Variants in TMEM184B observed in about 807,000 individuals in gnomAD.
The protein encoded by TMEM184B is putative MAPK-activating protein FM08.
TMEM184B carries 17 observed loss-of-function variants against 41.8 expected under a neutral mutation model. That is an observed-to-expected ratio of 0.41 (90% CI 0.28 to 0.61). The LOEUF (loss-of-function observed/expected upper bound fraction) is 0.61. TMEM184B is among the 20% of genes least tolerant of loss of function. TMEM184B has a pLI of 0.34. For synonymous variants in TMEM184B, 240 were observed against 229.5 expected (o/e 1.05, Z -0.41); for missense variants, 393 against 557.8 (o/e 0.70, Z 2.98).
chr22:38,226,896 T>G lies in TMEM184B; in HGVS notation c.526-26A>C. 6.4e-7 allele frequency: 1 copy of G among 1,559,794 alleles called. No individual in the cohort carries two copies. Among genetic ancestry groups the G allele is most frequent in the South Asian group, 1.2e-5 (1 of 85,234 alleles). ...CTGTTGGGGGGAAAAGGAGGTTGAG[T>G]GTGGAGGAGGAGCACAGAAGGCATG... On this transcript the variant is annotated intron_variant, in intron 5 of 8. Transcript: ENST00000361906. The surrounding 1 kb of genome is among the most constrained non-coding windows in gnomAD (Gnocchi z 4.6).
At position 38,224,791 on chromosome 22, in the gene TMEM184B, C is replaced by A; in HGVS notation, c.976G>T (p.Ala326Ser). The A allele has an allele frequency of 6.3e-7, 1 of 1,595,806 alleles. No homozygotes were observed. The highest frequency in any genetic ancestry group is 1.1e-5 in the South Asian group (1 of 89,852). ...CTAGGACCCTGGCTCATACCTTGTGCGTCCAGCCTCTTGTCAGCATAGACC... is the reference window on the plus strand; with the variant it reads ...CTAGGACCCTGGCTCATACCTTGTGAGTCCAGCCTCTTGTCAGCATAGACC... ...YKVYADKRLDAQGRCAPMKSI... is the reference protein window; with the variant it reads ...YKVYADKRLDSQGRCAPMKSI... The change falls in exon 8 of 9, where the codon GCA (alanine) becomes TCA (serine). Residue 326 changes from alanine to serine, a missense_variant. Transcript: ENST00000361906.
chr22:38,234,204 G>A (rs757788221), intron 3 of TMEM184B, among the ~76,000 whole-genome samples: 6 of 152,324 alleles, frequency 3.9e-5, no homozygotes, highest in Non-Finnish European at 8.8e-5. Context: ...GACATCTGAT[G>A]TAGGGGTTGG....
chr22:38,254,949 T>A (rs2145734113), intron 1 of TMEM184B, among the ~76,000 whole-genome samples: 1 of 151,776 alleles, frequency 6.6e-6, no homozygotes, highest in South Asian at 2.1e-4. Context: ...CCTCCCGGGT[T>A]CAAGCAATTC....
At chr22:38,241,750 G>A (rs2091911905) in intron 3 of TMEM184B, among the ~76,000 whole-genome samples, 1 of 151,328 alleles carries the variant, frequency 6.6e-6, no homozygotes, top group South Asian at 2.1e-4. Context: ...CAGGTGTGGT[G>A]GCGGGCGCCT....
intron 1 of TMEM184B, among the ~76,000 whole-genome samples, chr22:38,271,570 C>T (rs1036288403): frequency 1.3e-5 from 2 of 152,168 alleles, no homozygotes; most frequent in Admixed American, 6.6e-5. Flanking sequence ...GTCTTTCCTG[C>T]GGCCACGATC....
chr22:38,235,502 A>G (rs2145624621), intron 3 of TMEM184B, among the ~76,000 whole-genome samples: 1 of 152,326 alleles, frequency 6.6e-6, no homozygotes, highest in East Asian at 1.9e-4. Flanking sequence ...ATCAAATGTC[A>G]TCATCCCTCT....
intron 1 of TMEM184B, among the ~76,000 whole-genome samples, chr22:38,250,737 T>C (rs1021501445): frequency 1.3e-5 from 2 of 152,034 alleles, no homozygotes; most frequent in African/African-American, 4.8e-5. Flanking sequence ...AGGGCGGTGT[T>C]GAGAAACCCC....
chr22:38,218,905 T>C (rs748212695), downstream of TMEM184B, among the ~76,000 whole-genome samples: 3 of 152,064 alleles, frequency 2.0e-5, no homozygotes, highest in Non-Finnish European at 4.4e-5. Context: ...TCCCTGGCCC[T>C]GAGGGTCCCA....
chr22:38,221,103 C>T lies in TMEM184B; in HGVS notation c.*366G>A, dbSNP rs1240557966. On this transcript the variant is annotated 3_prime_UTR_variant, in exon 9 of 9. Coordinates refer to ENST00000361906, the MANE Select transcript of TMEM184B (RefSeq NM_012264.5). ...CTTGCCGACCTCAGCCTGAGAGTCT[C>T]GCGGGGAGGAGGGGCTAGAAGGCTG... 3.1e-5 allele frequency: 34 copies of T among 1,089,176 alleles called. 1 individual carries two copies. The highest frequency in any genetic ancestry group is 9.9e-5 in the South Asian group (3 of 30,444). 67.5% of individuals were successfully genotyped at this position (1,089,176 alleles called of 1,614,324 possible).
Position 38,234,611 on chromosome 22 carries a change from C to T in TMEM184B, c.359-3277G>A, listed in dbSNP as rs1278483461. 5.4e-5 allele frequency among the ~76,000 whole-genome samples: 8 copies of T among 148,956 alleles called. No individual in the cohort carries two copies. In the East Asian group the frequency reaches 1.3e-3, roughly 25 times the overall value. On this transcript the variant is annotated intron_variant, in intron 3 of 8. Transcript: ENST00000361906. ...AAAACCATGACTGAAGCTCCTGGGA[C>T]GTGCTGTGATCACTCACGCCTGCAT...
At chr22:38,227,232 C>T (rs972726501) in intron 5 of TMEM184B, among the ~76,000 whole-genome samples, 8 of 151,868 alleles carry the variant, frequency 5.3e-5, no homozygotes, top group African/African-American at 1.5e-4. Flanking sequence ...ACGATGGAGG[C>T]GGGAGACAGG....
At chr22:38,228,212 C>T (rs766978619) in intron 5 of TMEM184B, among the ~76,000 whole-genome samples, 14 of 152,196 alleles carry the variant, frequency 9.2e-5, no homozygotes, top group Non-Finnish European at 2.1e-4. Context: ...CCTGTCATCC[C>T]GCCTAGAGAA....
chr22:38,228,311 G>A (rs75001132), intron 5 of TMEM184B, among the ~76,000 whole-genome samples: 1 of 152,228 alleles, frequency 6.6e-6, no homozygotes, highest in Non-Finnish European at 1.5e-5. Flanking sequence ...GTGTTTCCCT[G>A]GGTCAGCTCA....
chr22:38,233,914 C>T (rs1029721550), intron 3 of TMEM184B, among the ~76,000 whole-genome samples: 6 of 152,082 alleles, frequency 3.9e-5, no homozygotes, highest in African/African-American at 1.2e-4. Context: ...GGATTACAGG[C>T]GCACACCACC....
chr22:38,231,792 C>A (rs1255235794), intron 3 of TMEM184B: 1 of 349,902 alleles, frequency 2.9e-6, no homozygotes, highest in East Asian at 7.4e-5. Flanking sequence ...TCTGGGAGTT[C>A]TGGGCTGTAG....
rs1040071063 is a variant in TMEM184B, at chr22:38,226,229, G to A, written c.617+550C>T. 1.4e-4 allele frequency among the ~76,000 whole-genome samples: 21 copies of A among 151,972 alleles called. No individual in the cohort carries two copies. The highest frequency in any genetic ancestry group is 4.8e-4 in the African/African-American group (20 of 41,360). Reference sequence around the variant, plus strand: ...CGAGTAGCTGGGATTATAGGCACCCGTCACCACGCCCGGTTAATTTTTTGT... The same window carrying A: ...CGAGTAGCTGGGATTATAGGCACCCATCACCACGCCCGGTTAATTTTTTGT... On this transcript the variant is annotated intron_variant, in intron 6 of 8. Transcript: ENST00000361906. The surrounding 1 kb of genome is among the most constrained non-coding windows in gnomAD (Gnocchi z 4.6).
intron 8 of TMEM184B, chr22:38,222,632 C>T (rs191984167): frequency 5.1e-6 from 5 of 985,294 alleles, no homozygotes; most frequent in East Asian, 1.1e-4. Flanking sequence ...AGACCAAGAG[C>T]GGGACCTACC....
intron 3 of TMEM184B, among the ~76,000 whole-genome samples, chr22:38,242,607 C>T (rs6001067): frequency 0.011 from 1,675 of 152,356 alleles, 32 homozygotes; most frequent in African/African-American, 0.039. Flanking sequence ...CTCCTGGCCC[C>T]TCTTGGGCAC....
At chr22:38,257,123 T>C (rs2092294638) in intron 1 of TMEM184B, among the ~76,000 whole-genome samples, 1 of 151,238 alleles carries the variant, frequency 6.6e-6, no homozygotes, top group African/African-American at 2.4e-5. Flanking sequence ...CTGGTATTAC[T>C]GGCATGCACC....
Sources: gnomAD v4.1 joint callset for allele counts (sites outside exome capture counted in the v4.1 genomes callset) on GRCh38, gnomAD v4.1.1 for gene constraint, Gnocchi (gnomAD v3.1) non-coding constraint, MANE v1.5 for transcripts, NCBI Gene and HGNC (gene_info 2026-07-23, HGNC 2026-07-21) for gene names.